Variants in RGS6 observed in about 807,000 individuals in gnomAD.
The protein encoded by RGS6 is regulator of G protein signaling 6, also known as regulator of G-protein signaling 6.
Under a neutral mutation model 78.5 loss-of-function variants are expected in RGS6, and 30 were observed. The observed-to-expected ratio is 0.38, with a 90% CI of 0.29 to 0.52. RGS6 has a LOEUF of 0.52. Among genes scored for constraint, RGS6 ranks in the 20% least tolerant of loss-of-function variants. The pLI is 0.85. For missense variants in RGS6, 495 were observed against 609.7 expected, an observed-to-expected ratio of 0.81 and a Z score of 1.98; for synonymous variants, 206 against 206.0, an observed-to-expected ratio of 1.00 and a Z score of 0.00.
intron 2 of RGS6, among the ~76,000 whole-genome samples, chr14:72,260,902 G>A (rs753434107): frequency 2.0e-5 from 3 of 152,210 alleles, no homozygotes; most frequent in Non-Finnish European, 2.9e-5. Flanking sequence ...AGAAAGATGT[G>A]TACATTTTCG....
chr14:72,616,809 C>G, the RGS6 span, among the ~76,000 whole-genome samples: 3,557 of 152,300 alleles, frequency 0.023, 151 homozygotes, highest in African/African-American at 0.082. Flanking sequence ...AGTTTACCAA[C>G]CCCGTCCTCT....
At chr14:72,252,339 C>T (rs971241427) in intron 2 of RGS6, among the ~76,000 whole-genome samples, 3 of 152,212 alleles carry the variant, frequency 2.0e-5, no homozygotes, top group Admixed American at 1.3e-4. Context: ...TGACCATCAA[C>T]TATGTATCAA....
rs1352587008 is a variant in RGS6 at position 72,440,411 on chromosome 14, CT to C, written c.185-14115del. ...GAGTGATGTTGAAATTTGACCTACA[CT>C]TCTTTTTTTTTTTTTTTTTTGAGAT... On this transcript the variant is annotated intron_variant, in intron 3 of 17. Transcript: ENST00000553525. Among the ~76,000 whole-genome samples the C allele has an allele frequency of 2.7e-5, 4 of 147,220 alleles. No homozygotes were observed. The Admixed American group carries it at 2.8e-4, about 10-fold the overall frequency.
intron 12 of RGS6, among the ~76,000 whole-genome samples, chr14:72,489,737 AGGTGAGAC>A (rs1566968732): frequency 2.9e-4 from 33 of 114,798 alleles, no homozygotes; most frequent in African/African-American, 1.1e-3. Context: ...AGGCAAGGCG[AGGTGAGAC>A]GAGGCGAGGC....
chr14:72,270,767 A>G (rs935851674), intron 2 of RGS6, among the ~76,000 whole-genome samples: 1 of 152,200 alleles, frequency 6.6e-6, no homozygotes, highest in Non-Finnish European at 1.5e-5. Context: ...ATGATTTTCT[A>G]CCTTTCACGC....
intron 2 of RGS6, among the ~76,000 whole-genome samples, chr14:72,201,582 A>T (rs1228112872): frequency 2.6e-5 from 4 of 152,244 alleles, no homozygotes; most frequent in Admixed American, 2.0e-4. Flanking sequence ...TTAATTAAAG[A>T]AGTGAATTTG....
intron 6 of RGS6, among the ~76,000 whole-genome samples, chr14:72,465,276 C>G (rs1298072809): frequency 6.6e-6 from 1 of 152,024 alleles, no homozygotes; most frequent in Non-Finnish European, 1.5e-5. Context: ...CTTTTAGGCA[C>G]TGGAGTAATG....
At chr14:72,570,831 A>G (rs1032486974), downstream of RGS6, among the ~76,000 whole-genome samples, 2 of 152,158 alleles carry the variant, frequency 1.3e-5, no homozygotes, top group Admixed American at 1.3e-4. Flanking sequence ...AGCATTATGA[A>G]CTCATGAATT....
intron 2 of RGS6, among the ~76,000 whole-genome samples, chr14:72,277,883 A>G (rs1879291): frequency 0.61 from 92,224 of 151,472 alleles, 28,156 homozygotes; most frequent in Non-Finnish European, 0.64. Flanking sequence ...AGCAAAGATC[A>G]TGCCACTGCA....
intron 2 of RGS6, among the ~76,000 whole-genome samples, chr14:72,309,993 G>A (rs145170281): frequency 3.7e-4 from 56 of 152,150 alleles, no homozygotes; most frequent in Non-Finnish European, 6.8e-4. Flanking sequence ...AGTTTTCAGG[G>A]TGCCAGCTGC....
At chr14:72,048,195 C>T (rs2093001967) in intron 2 of RGS6, among the ~76,000 whole-genome samples, 1 of 152,044 alleles carries the variant, frequency 6.6e-6, no homozygotes, top group Non-Finnish European at 1.5e-5. Context: ...AAATTATCAC[C>T]CATCTTTAAA....
chr14:72,108,722 TA>T (rs2153541229), intron 2 of RGS6, among the ~76,000 whole-genome samples: 1 of 152,268 alleles, frequency 6.6e-6, no homozygotes, highest in East Asian at 1.9e-4. Flanking sequence ...AGAACATTTC[TA>T]ATTCTTTTCT....
At chr14:72,100,738 T>C (rs762538737) in intron 2 of RGS6, among the ~76,000 whole-genome samples, 39 of 152,242 alleles carry the variant, frequency 2.6e-4, no homozygotes, top group Non-Finnish European at 5.3e-4. Flanking sequence ...ATTTGTTTTC[T>C]AAATGAATCT....
rs141110495 is a variant in RGS6, at chr14:72,380,065, C to CAAAAG, written c.184+27875_184+27876insGAAAA. Among the ~76,000 whole-genome samples, 4 of 34,380 alleles carry CAAAAG rather than the reference C, an allele frequency of 1.2e-4. No homozygotes were observed. The African/African-American group carries it at 1.2e-3, about 10-fold the overall frequency. The allele number at this position is 34,380 out of a possible 152,430, so 22.6% of individuals were successfully genotyped here. ...AAGATGTGAAGAACACTCACTGAGGCAAAACAAAACAGTATCTTAAATAAA... is the reference window on the plus strand; with the variant it reads ...AAGATGTGAAGAACACTCACTGAGGCAAAAGAAAACAAAACAGTATCTTAAATAAA... On this transcript the variant is annotated intron_variant, in intron 3 of 17. Coordinates refer to ENST00000553525, the MANE Select transcript of RGS6 (RefSeq NM_001204424.2).
At chr14:72,054,685 C>T (rs1176069234) in intron 2 of RGS6, among the ~76,000 whole-genome samples, 1 of 152,138 alleles carries the variant, frequency 6.6e-6, no homozygotes, top group Non-Finnish European at 1.5e-5. Context: ...TTCTTTTATA[C>T]CCCTATCTCT....
Position 72,378,515 on chromosome 14 carries a change from C to T in RGS6, c.184+26321C>T, listed in dbSNP as rs753499666. On this transcript the variant is annotated intron_variant, in intron 3 of 17. Coordinates refer to ENST00000553525, the MANE Select transcript of RGS6 (RefSeq NM_001204424.2). ...AAATCAGAAATGAAAAAGGAAACAT[C>T]ACAATGAATACCACAGAAATACAAA... 2.6e-5 allele frequency among the ~76,000 whole-genome samples: 4 copies of T among 152,062 alleles called. No individual in the cohort carries two copies. In the South Asian group the frequency reaches 8.3e-4, roughly 32 times the overall value.
At chr14:72,160,342 T>C (rs1213300462) in intron 2 of RGS6, among the ~76,000 whole-genome samples, 2 of 105,170 alleles carry the variant, frequency 1.9e-5, no homozygotes, top group Non-Finnish European at 4.2e-5. Flanking sequence ...CCAATAAATA[T>C]GTAAAAAAGT....
chr14:72,516,546 G>T (rs1048847579), intron 14 of RGS6, among the ~76,000 whole-genome samples: 3 of 152,208 alleles, frequency 2.0e-5, no homozygotes, highest in Non-Finnish European at 2.9e-5. Context: ...GGGGACACCA[G>T]ATGGCAGCAG....
intron 17 of RGS6, chr14:72,540,455 C>G (rs1370393723): frequency 6.6e-7 from 1 of 1,516,802 alleles, no homozygotes; most frequent in Admixed American, 2.1e-5. Context: ...TCGAACTATA[C>G]CGTGAAATAA....
Sources: allele counts gnomAD v4.1 joint callset (sites outside exome capture counted in the v4.1 genomes callset), GRCh38; gene constraint gnomAD v4.1.1; transcripts MANE v1.5; gene names NCBI Gene and HGNC (gene_info 2026-07-23, HGNC 2026-07-21).